The following AFF4 variants were observed in gnomAD, a reference collection of about 807,000 sequenced individuals.
AFF4 encodes the protein ALF transcription elongation factor 4, also known as AF4/FMR2 family member 4.
A neutral mutation model predicts 124.8 loss-of-function variants in AFF4; 13 were observed. The observed-to-expected ratio is 0.10, with a 90% CI of 0.07 to 0.17. AFF4 has a LOEUF of 0.17. AFF4 is among the 10% of genes least tolerant of loss of function. The pLI is 1.00. For synonymous variants in AFF4, 477 were observed against 496.1 expected, an observed-to-expected ratio of 0.96 and a Z score of 0.51; for missense variants, 1,092 against 1,403.8, an observed-to-expected ratio of 0.78 and a Z score of 3.55.
At chr5:132,946,100 GA>G (rs35643589) in intron 1 of AFF4, among the ~76,000 whole-genome samples, 39,332 of 151,986 alleles carry the variant, frequency 0.26, 5,884 homozygotes, top group African/African-American at 0.41. Context: ...TTTAGTGAAA[GA>G]AAAAAACCCA....
At chr5:132,893,979 T>C (rs1760327017) in intron 11 of AFF4, among the ~76,000 whole-genome samples, 1 of 152,188 alleles carries the variant, frequency 6.6e-6, no homozygotes, top group African/African-American at 2.4e-5. Context: ...ATTTTTAAGG[T>C]TCATCCATGT....
At position 132,880,307 on chromosome 5, in the gene AFF4, G is replaced by A. The variant is rs1299443063; in HGVS notation, c.*752C>T. ...AAGTTTGTCCTCCCTCTTTTGTAAT[G>A]CATTAAATGCAAGCTATAGTCACTG... On this transcript the variant is annotated 3_prime_UTR_variant, in exon 21 of 21. Coordinates refer to ENST00000265343, the MANE Select transcript of AFF4 (RefSeq NM_014423.4). The A allele has an allele frequency of 1.3e-5, 5 of 398,798 alleles. No individual in the cohort carries two copies. The highest frequency in any genetic ancestry group is 2.2e-5 in the Non-Finnish European group (5 of 226,020). The allele number at this position is 398,798 out of a possible 1,614,324, so 24.7% of individuals were successfully genotyped here.
At chr5:132,941,895 T>TA (rs749660276) in intron 1 of AFF4, among the ~76,000 whole-genome samples, 1 of 151,144 alleles carries the variant, frequency 6.6e-6, no homozygotes, top group Non-Finnish European at 1.5e-5. Flanking sequence ...TAATCCCAGC[T>TA]ACTTAGGAGG....
chr5:132,910,535 T>G (rs1178768956), intron 5 of AFF4, among the ~76,000 whole-genome samples: 1 of 152,178 alleles, frequency 6.6e-6, no homozygotes, highest in Non-Finnish European at 1.5e-5. Context: ...TTAGTGCACA[T>G]GGAGAGTAAG....
intron 2 of AFF4, among the ~76,000 whole-genome samples, chr5:132,935,824 G>A (rs913114210): frequency 5.9e-5 from 9 of 151,574 alleles, no homozygotes; most frequent in Admixed American, 1.3e-4. Context: ...TCGAGAGGCT[G>A]AGGCAGGAGA....
At chr5:132,953,689 T>C (rs968554628) in intron 1 of AFF4, among the ~76,000 whole-genome samples, 1 of 152,206 alleles carries the variant, frequency 6.6e-6, no homozygotes, top group Non-Finnish European at 1.5e-5. Flanking sequence ...TTTGCTGAAT[T>C]CTTCCTTCAA....
intron 2 of AFF4, among the ~76,000 whole-genome samples, chr5:132,936,855 A>T (rs142926978): frequency 6.6e-6 from 1 of 152,208 alleles, no homozygotes; most frequent in South Asian, 2.1e-4. Context: ...TCTTCAAGCC[A>T]TAATACCTAT....
At chr5:132,936,244 G>C (rs1761426688) in intron 2 of AFF4, among the ~76,000 whole-genome samples, 1 of 121,026 alleles carries the variant, frequency 8.3e-6, no homozygotes, top group Admixed American at 1.1e-4. Flanking sequence ...TCCAACCTGG[G>C]CGACAGAGCA....
intron 1 of AFF4, among the ~76,000 whole-genome samples, chr5:132,939,811 G>C (rs61271504): frequency 6.6e-6 from 1 of 152,228 alleles, no homozygotes; most frequent in Non-Finnish European, 1.5e-5. Flanking sequence ...GGGTTTCACC[G>C]AGTTGGCCAA....
intron 11 of AFF4, among the ~76,000 whole-genome samples, chr5:132,895,119 C>A (rs954349627): frequency 4.6e-5 from 7 of 152,102 alleles, no homozygotes; most frequent in African/African-American, 1.7e-4. Context: ...ATCCCACAGC[C>A]AAGTCCAGCG....
At position 132,887,531 on chromosome 5, in the gene AFF4, T is replaced by C. The variant is rs780871066; in HGVS notation, c.2995A>G (p.Thr999Ala). 37 of 1,613,584 alleles carry C rather than the reference T, an allele frequency of 2.3e-5. No homozygotes were observed. The highest frequency in any genetic ancestry group is 2.7e-5 in the Non-Finnish European group (32 of 1,179,618). Reference sequence around the variant, plus strand: ...ACACAGAAAACTCACCAAAGTACTGTGAGTCGTTTATCTGCAGCTGTAGCA... The same window carrying C: ...ACACAGAAAACTCACCAAAGTACTGCGAGTCGTTTATCTGCAGCTGTAGCA... Reference protein sequence around the residue: ...PDATAADKRLTVLCLRCESLL... With the variant: ...PDATAADKRLAVLCLRCESLL... The change falls in exon 17 of 21, where the codon ACA becomes GCA. Residue 999 changes from threonine to alanine, a missense_variant. Physicochemically the swap from Thr to Ala is moderately conservative, Grantham distance 58. Coordinates refer to ENST00000265343, the MANE Select transcript of AFF4 (RefSeq NM_014423.4).
intron 1 of AFF4, among the ~76,000 whole-genome samples, chr5:132,950,483 A>G (rs1045834362): frequency 6.6e-6 from 1 of 152,018 alleles, no homozygotes; most frequent in Non-Finnish European, 1.5e-5. Context: ...CAATAAATAA[A>G]TAAATAAACA....
intron 1 of AFF4, among the ~76,000 whole-genome samples, chr5:132,950,447 T>C (rs777985878): frequency 6.6e-6 from 1 of 152,090 alleles, no homozygotes; most frequent in Non-Finnish European, 1.5e-5. Flanking sequence ...CACTCTAGCC[T>C]GGGCAATAAG....
intron 5 of AFF4, among the ~76,000 whole-genome samples, chr5:132,921,150 A>C (rs1486879864): frequency 6.6e-6 from 1 of 151,590 alleles, no homozygotes; most frequent in Non-Finnish European, 1.5e-5. Flanking sequence ...AAAGAATCTT[A>C]GCCCATTTAA....
chr5:132,894,867 T>A (rs1204008743), intron 11 of AFF4, among the ~76,000 whole-genome samples: 3 of 152,002 alleles, frequency 2.0e-5, no homozygotes, highest in Non-Finnish European at 4.4e-5. Flanking sequence ...GGAGGGAGGA[T>A]CACTTGAACC....
intron 5 of AFF4, among the ~76,000 whole-genome samples, chr5:132,914,366 G>A (rs1447067560): frequency 6.6e-6 from 1 of 151,938 alleles, no homozygotes; most frequent in Non-Finnish European, 1.5e-5. Context: ...ATTTTGGGAG[G>A]CTGAGGCGGG....
intron 5 of AFF4, among the ~76,000 whole-genome samples, chr5:132,916,163 TG>T (rs1202196179): frequency 7.3e-6 from 1 of 137,564 alleles, no homozygotes; most frequent in African/African-American, 2.8e-5. Context: ...CACTTGAGCT[TG>T]GGAAGCGGAG....
At chr5:132,923,103 T>C (rs1024336479) in intron 5 of AFF4, among the ~76,000 whole-genome samples, 27 of 151,224 alleles carry the variant, frequency 1.8e-4, no homozygotes, top group African/African-American at 6.3e-4. Flanking sequence ...TTGAACCTGG[T>C]AGGCAGAGGC....
Position 132,896,514 on chromosome 5 carries a change from T to C in AFF4, c.2116A>G (p.Ser706Gly). 2 of 1,614,218 alleles carry C rather than the reference T, an allele frequency of 1.2e-6. No homozygotes were observed. The highest frequency in any genetic ancestry group is 8.5e-7 in the Non-Finnish European group (1 of 1,180,034). Residue 706 changes from serine (S) to glycine (G), a missense_variant, in exon 11 of 21, where the codon AGT (serine) becomes GGT (glycine). Ser to Gly is a moderately conservative substitution (Grantham distance 56, BLOSUM62 0). Coordinates refer to ENST00000265343, the MANE Select transcript of AFF4 (RefSeq NM_014423.4). ...AGTGGGTACCTGTCATCAGGCTCAC[T>C]GAGGGGTGAAAGAAGTTCCTTCTCT... ...MEEKELLSPL[S>G]EPDDRYPLIV...
Sources: allele counts gnomAD v4.1 joint callset (sites outside exome capture counted in the v4.1 genomes callset), GRCh38; gene constraint gnomAD v4.1.1; transcripts MANE v1.5; gene names NCBI Gene and HGNC (gene_info 2026-07-23, HGNC 2026-07-21).